The following BMP6 variants were observed in gnomAD, a reference collection of about 807,000 sequenced individuals.
BMP6 encodes VG-1-R.
A neutral mutation model predicts 54.1 loss-of-function variants in BMP6; 17 were observed. That is an observed-to-expected ratio of 0.31 (90% CI 0.22 to 0.47). BMP6 has a LOEUF of 0.47. BMP6 is among the 20% of genes least tolerant of loss of function. The probability of loss-of-function intolerance (pLI) is 1.00; values close to 1 mark genes in which losing one functional copy is unlikely to be tolerated. For missense variants in BMP6, 720 were observed against 690.4 expected (o/e 1.04, Z -0.48); for synonymous variants, 328 against 291.2 (o/e 1.13, Z -1.28).
chr6:7,767,832 A>G (rs1581239107), intron 1 of BMP6, among the ~76,000 whole-genome samples: 1 of 152,102 alleles, frequency 6.6e-6, no homozygotes, highest in East Asian at 1.9e-4. Flanking sequence ...TGGACATGAT[A>G]TCCTAGGTGA....
chr6:7,841,524 GCAAA>G (rs993959617), intron 1 of BMP6, among the ~76,000 whole-genome samples: 3 of 152,202 alleles, frequency 2.0e-5, no homozygotes, highest in Non-Finnish European at 2.9e-5. Flanking sequence ...TGAGACATTA[GCAAA>G]CAAACTGTGT....
chr6:7,863,058 G>A (rs983840169), intron 4 of BMP6, among the ~76,000 whole-genome samples: 1 of 152,120 alleles, frequency 6.6e-6, no homozygotes, highest in Non-Finnish European at 1.5e-5. Context: ...GAGTGCAGTG[G>A]CACGGTCTCG....
Position 7,830,826 on chromosome 6 carries a change from T to TCCCC in BMP6, c.665-14313_665-14312insCCCC, listed in dbSNP as rs1175413372. On this transcript the variant is annotated intron_variant, in intron 1 of 6. Transcript: ENST00000283147. Reference sequence around the variant, plus strand: ...GCACGGGAAAACCCACCCCCACGATTCAACTGTCTCCCACCAGGTACCTCC... The same window carrying TCCCC: ...GCACGGGAAAACCCACCCCCACGATTCCCCCAACTGTCTCCCACCAGGTACCTCC... Among the ~76,000 whole-genome samples, 996 of 152,216 alleles carry TCCCC rather than the reference T, an allele frequency of 6.5e-3. 23 individuals are homozygous for TCCCC. The highest frequency in any genetic ancestry group is 0.023 in the African/African-American group (947 of 41,540).
chr6:7,804,792 G>A (rs565297333), intron 1 of BMP6, among the ~76,000 whole-genome samples: 52 of 152,300 alleles, frequency 3.4e-4, no homozygotes, highest in African/African-American at 1.2e-3. Flanking sequence ...ATGTATAGAT[G>A]TATAGACTAC....
At chr6:7,856,343 C>T (rs1759232194) in intron 2 of BMP6, among the ~76,000 whole-genome samples, 1 of 151,924 alleles carries the variant, frequency 6.6e-6, no homozygotes, top group African/African-American at 2.4e-5. Flanking sequence ...GAGCTTGACT[C>T]CTTAATTTTC....
At chr6:7,801,696 G>A (rs1382537013) in intron 1 of BMP6, among the ~76,000 whole-genome samples, 1 of 152,206 alleles carries the variant, frequency 6.6e-6, no homozygotes, top group African/African-American at 2.4e-5. Context: ...AATTGGGGTG[G>A]GTGGGAAGCT....
chr6:7,849,211 A>G (rs1324891536), intron 2 of BMP6, among the ~76,000 whole-genome samples: 1 of 152,202 alleles, frequency 6.6e-6, no homozygotes, highest in African/African-American at 2.4e-5. Context: ...AAATGTTTTC[A>G]TAGGTAGTGA....
At chr6:7,742,889 G>A (rs1340603764) in intron 1 of BMP6, among the ~76,000 whole-genome samples, 1 of 152,074 alleles carries the variant, frequency 6.6e-6, no homozygotes, top group Non-Finnish European at 1.5e-5. Flanking sequence ...GAGACAGGTA[G>A]GTCCTGGAAC....
chr6:7,853,334 C>A (rs2113265253), intron 2 of BMP6, among the ~76,000 whole-genome samples: 1 of 152,212 alleles, frequency 6.6e-6, no homozygotes, highest in Non-Finnish European at 1.5e-5. Context: ...TGAATCCCGA[C>A]AAATGTTGAC....
At chr6:7,809,822 C>T (rs534652827) in intron 1 of BMP6, among the ~76,000 whole-genome samples, 3 of 152,144 alleles carry the variant, frequency 2.0e-5, no homozygotes, top group East Asian at 1.9e-4. Context: ...GTAGCCTCAT[C>T]GGTTTGAATG....
At chr6:7,858,999 A>G (rs1040506619) in intron 2 of BMP6, among the ~76,000 whole-genome samples, 1 of 151,898 alleles carries the variant, frequency 6.6e-6, no homozygotes, top group Non-Finnish European at 1.5e-5. Flanking sequence ...CCCCAGAGTG[A>G]CTCGGTAGCA....
intron 1 of BMP6, among the ~76,000 whole-genome samples, chr6:7,775,925 T>C (rs895337262): frequency 5.9e-5 from 9 of 152,350 alleles, no homozygotes; most frequent in African/African-American, 2.2e-4. Flanking sequence ...CAAATAACTT[T>C]ACTTCGCACT....
chr6:7,854,183 T>C (rs1275573500), intron 2 of BMP6, among the ~76,000 whole-genome samples: 3 of 152,214 alleles, frequency 2.0e-5, no homozygotes, highest in African/African-American at 7.2e-5. Context: ...CTATGCCTTA[T>C]ATATTTATCA....
At chr6:7,867,222 T>C (rs1759438446) in intron 4 of BMP6, among the ~76,000 whole-genome samples, 2 of 152,182 alleles carry the variant, frequency 1.3e-5, no homozygotes, top group Admixed American at 1.3e-4. Flanking sequence ...CCCCCAAACA[T>C]GTATCTTTAA....
chr6:7,776,469 T>G (rs148349280), intron 1 of BMP6, among the ~76,000 whole-genome samples: 1 of 152,252 alleles, frequency 6.6e-6, no homozygotes, highest in African/African-American at 2.4e-5. Flanking sequence ...TTTTATTTAG[T>G]TGGCAAGTCA....
chr6:7,843,371 A>T (rs1759007957), intron 1 of BMP6, among the ~76,000 whole-genome samples: 1 of 151,308 alleles, frequency 6.6e-6, no homozygotes, highest in Non-Finnish European at 1.5e-5. Flanking sequence ...GGCTTAACTT[A>T]GCTTCTGCAA....
intron 1 of BMP6, among the ~76,000 whole-genome samples, chr6:7,785,205 A>G (rs975321503): frequency 6.6e-6 from 1 of 152,272 alleles, no homozygotes; most frequent in African/African-American, 2.4e-5. Context: ...CACTAGTGTC[A>G]TAAGAAGCAA....
At chr6:7,859,432 C>T (rs1759300614) in intron 2 of BMP6, among the ~76,000 whole-genome samples, 1 of 152,120 alleles carries the variant, frequency 6.6e-6, no homozygotes, top group African/African-American at 2.4e-5. Context: ...GGCAGCCTTA[C>T]CCCCGAGATT....
At chr6:7,799,204 G>T (rs1363300799) in intron 1 of BMP6, among the ~76,000 whole-genome samples, 1 of 152,198 alleles carries the variant, frequency 6.6e-6, no homozygotes, top group Non-Finnish European at 1.5e-5. Flanking sequence ...CTCATTTTAA[G>T]GCTGGAGTGC....
Sources: gnomAD v4.1 joint callset for allele counts (sites outside exome capture counted in the v4.1 genomes callset) on GRCh38, gnomAD v4.1.1 for gene constraint, MANE v1.5 for transcripts, NCBI Gene and HGNC (gene_info 2026-07-23, HGNC 2026-07-21) for gene names.